The following PTPRA variants were observed in gnomAD, a reference collection of about 807,000 sequenced individuals.
PTPRA encodes the protein protein tyrosine phosphatase receptor type A.
In PTPRA, 25 loss-of-function variants were observed where a neutral mutation model predicts 104.8. The observed-to-expected ratio is 0.24, with a 90% CI of 0.17 to 0.33. The LOEUF (loss-of-function observed/expected upper bound fraction) is 0.33, where lower values mean the gene tolerates loss of function less well. Among genes scored for constraint, PTPRA ranks in the 10% least tolerant of loss-of-function variants. The pLI, the probability that PTPRA is intolerant of heterozygous loss-of-function variation, is 1.00. For synonymous variants in PTPRA, 323 were observed against 368.9 expected, an observed-to-expected ratio of 0.88 and a Z score of 1.43; for missense variants, 765 against 1,015.3, an observed-to-expected ratio of 0.75 and a Z score of 3.35.
At chr20:2,969,354 TCTC>T (rs775208669) in intron 5 of PTPRA, among the ~76,000 whole-genome samples, 1 of 151,318 alleles carries the variant, frequency 6.6e-6, no homozygotes, top group African/African-American at 2.4e-5. Flanking sequence ...TTCAAACAAT[TCTC>T]CTGCCTCAGC....
Position 3,022,973 on chromosome 20 carries a change from C to A in PTPRA, c.1464+149C>A. 1 of 1,326,896 alleles carries A rather than the reference C, an allele frequency of 7.5e-7. No individual in the cohort carries two copies. Among genetic ancestry groups the A allele is most frequent in the Non-Finnish European group, 1.0e-6 (1 of 981,854 alleles). 82.2% of individuals were successfully genotyped at this position (1,326,896 alleles called of 1,614,324 possible). A position where few individuals can be genotyped will look rare whatever the true frequency, so the allele number is the denominator to read the frequency against. On this transcript the variant is annotated intron_variant, in intron 16 of 23. Coordinates refer to ENST00000399903, the MANE Select transcript of PTPRA (RefSeq NM_001385305.1). The surrounding 1 kb of genome is among the most constrained non-coding windows in gnomAD (Gnocchi z 4.6). ...AAAGAAAGATAGATCACACTGTTAC[C>A]GTGTCTATGTAGAAAAAGGAAGACA...
At chr20:3,016,793 C>T (rs1409790390) in intron 12 of PTPRA, among the ~76,000 whole-genome samples, 3 of 152,136 alleles carry the variant, frequency 2.0e-5, no homozygotes, top group African/African-American at 7.2e-5. Flanking sequence ...GTTCTCCTCC[C>T]TTTTCTTTTC....
Position 3,035,434 on chromosome 20 carries a change from A to G in PTPRA, c.1921-151A>G. The stretch of plus-strand genomic sequence containing the variant: ...CGGAGGTTAATTGGAATGATGTGAT[A>G]TAATGATCCTGCAAGTTTTCAATAC... On this transcript the variant is annotated intron_variant, in intron 20 of 23. Transcript: ENST00000399903. This position sits in a 1 kb window ranked among gnomAD's most constrained non-coding sequence, Gnocchi z 5.8. The G allele has an allele frequency of 1.2e-6, 1 of 867,686 alleles. No homozygotes were observed. The highest frequency in any genetic ancestry group is 1.7e-6 in the Non-Finnish European group (1 of 572,986). 53.7% of individuals were successfully genotyped at this position (867,686 alleles called of 1,614,324 possible).
intron 1 of PTPRA, among the ~76,000 whole-genome samples, chr20:2,874,272 T>G (rs1416485191): frequency 6.6e-6 from 1 of 152,120 alleles, no homozygotes; most frequent in Non-Finnish European, 1.5e-5. Context: ...AAATAAGGGC[T>G]GAGAGCTGCC....
intron 5 of PTPRA, among the ~76,000 whole-genome samples, chr20:2,973,973 A>G (rs2062308929): frequency 7.2e-6 from 1 of 139,440 alleles, no homozygotes; most frequent in Admixed American, 7.4e-5. Context: ...TTTTTTTGAG[A>G]TGGAGTCTCG....
intron 2 of PTPRA, among the ~76,000 whole-genome samples, chr20:2,947,184 A>G (rs1296919058): frequency 2.0e-5 from 3 of 152,278 alleles, no homozygotes; most frequent in Admixed American, 6.5e-5. Flanking sequence ...GAAAGAAACT[A>G]TTTCCTCTCA....
In PTPRA at chr20:2,955,756, A is replaced by G. The variant is rs529699314; in HGVS notation, c.-7+7732A>G. The G allele has an allele frequency of 1.5e-3, 1,233 of 811,718 alleles. 1 individual carries two copies. The highest frequency in any genetic ancestry group is 1.7e-3 in the Non-Finnish European group (1,154 of 671,778). 50.3% of individuals were successfully genotyped at this position (811,718 alleles called of 1,614,324 possible). On this transcript the variant is annotated intron_variant, in intron 3 of 23. Transcript: ENST00000399903. Reference sequence around the variant, plus strand: ...CCTACTCCTGCCTACTGTGTTTCTCAGATGTCTGCTGCCTGGCTAGCTCAT... The same window carrying G: ...CCTACTCCTGCCTACTGTGTTTCTCGGATGTCTGCTGCCTGGCTAGCTCAT...
At chr20:2,976,304 C>G (rs997794314) in intron 6 of PTPRA, among the ~76,000 whole-genome samples, 5 of 152,152 alleles carry the variant, frequency 3.3e-5, no homozygotes, top group Non-Finnish European at 5.9e-5. Flanking sequence ...TTACTTGCTC[C>G]CTAAAACTGC....
chr20:3,002,507 T>C (rs2063680883), intron 9 of PTPRA, among the ~76,000 whole-genome samples: 1 of 152,012 alleles, frequency 6.6e-6, no homozygotes, highest in African/African-American at 2.4e-5. Flanking sequence ...TTTGTATTTT[T>C]AGTAGAGATG....
intron 2 of PTPRA, among the ~76,000 whole-genome samples, chr20:2,935,460 A>G (rs951194500): frequency 9.9e-5 from 15 of 152,248 alleles, no homozygotes; most frequent in Admixed American, 3.3e-4. Context: ...CAATGAACAT[A>G]GTAGTACAGA....
intron 5 of PTPRA, among the ~76,000 whole-genome samples, chr20:2,968,095 C>G (rs1047033305): frequency 5.8e-4 from 89 of 152,316 alleles, no homozygotes; most frequent in African/African-American, 2.0e-3. Context: ...GCTGCTGCTT[C>G]CTGACTTCCA....
chr20:2,866,971 G>A, the PTPRA span, among the ~76,000 whole-genome samples: 13 of 152,352 alleles, frequency 8.5e-5, no homozygotes, highest in South Asian at 2.5e-3. Context: ...AGCTCACCAA[G>A]AACATACTGT....
intron 3 of PTPRA, among the ~76,000 whole-genome samples, chr20:2,952,177 AT>A (rs2061377285): frequency 6.6e-6 from 1 of 152,078 alleles, no homozygotes; most frequent in Non-Finnish European, 1.5e-5. Flanking sequence ...ACCATTTTAT[AT>A]TTGCAACAAC....
chr20:2,914,560 C>A (rs915537659), intron 1 of PTPRA, among the ~76,000 whole-genome samples: 1 of 151,844 alleles, frequency 6.6e-6, no homozygotes, highest in Non-Finnish European at 1.5e-5. Flanking sequence ...ATTTGTAACT[C>A]CCTTCTCTGA....
intron 2 of PTPRA, among the ~76,000 whole-genome samples, chr20:2,930,878 G>A (rs561909672): frequency 6.6e-6 from 1 of 152,180 alleles, no homozygotes; most frequent in South Asian, 2.1e-4. Context: ...CCATAACAGG[G>A]GCCAAACTGT....
In PTPRA at chr20:2,975,235, A is replaced by G; in HGVS notation, c.436A>G (p.Arg146Gly). Reference sequence around the variant, plus strand: ...CACAGGTAATTCTGACTCGAAGGACAGAAGAGGTGAGCTGCTCACCTTATA... The same window carrying G: ...CACAGGTAATTCTGACTCGAAGGACGGAAGAGGTGAGCTGCTCACCTTATA... The part of the protein sequence containing the change: ...PPSGNSDSKD[R>G]RDETPIIAVM... The change falls in exon 6 of 24, where the codon AGA becomes GGA. Residue 146 changes from arginine to glycine, a missense_variant. Physicochemically the swap from Arg to Gly is moderately radical, Grantham distance 125 (BLOSUM62 -2). Transcript: ENST00000399903. 4.4e-6 allele frequency: 7 copies of G among 1,597,078 alleles called. No individual in the cohort carries two copies. The highest frequency in any genetic ancestry group is 5.1e-6 in the Non-Finnish European group (6 of 1,166,116).
intron 13 of PTPRA, among the ~76,000 whole-genome samples, chr20:3,020,393 C>T (rs374351421): frequency 2.6e-5 from 4 of 152,170 alleles, no homozygotes; most frequent in Admixed American, 6.5e-5. Flanking sequence ...CCACCACGCC[C>T]GGCCCACAGA....
intron 9 of PTPRA, among the ~76,000 whole-genome samples, chr20:2,997,969 A>AT (rs930476558): frequency 3.3e-5 from 5 of 152,112 alleles, no homozygotes; most frequent in African/African-American, 9.6e-5. Flanking sequence ...CTACAAAACA[A>AT]TTTTTTTTAA....
chr20:3,006,398 C>T (rs1401629879), intron 10 of PTPRA, among the ~76,000 whole-genome samples: 1 of 152,114 alleles, frequency 6.6e-6, no homozygotes, highest in Admixed American at 6.5e-5. Flanking sequence ...AGCCTGGTCT[C>T]AAACTCTTGG....
Sources: allele counts gnomAD v4.1 joint callset (sites outside exome capture counted in the v4.1 genomes callset), GRCh38; gene constraint gnomAD v4.1.1; non-coding constraint Gnocchi (gnomAD v3.1); transcripts MANE v1.5; gene names NCBI Gene and HGNC (gene_info 2026-07-23, HGNC 2026-07-21).